The following RGS7 variants were observed in gnomAD, a reference collection of about 807,000 sequenced individuals.
The protein encoded by RGS7 is regulator of G protein signaling 7.
Under a neutral mutation model 81.1 loss-of-function variants are expected in RGS7, and 27 were observed. That is an observed-to-expected ratio of 0.33 (90% CI 0.25 to 0.46). The LOEUF (loss-of-function observed/expected upper bound fraction) is 0.46, where lower values mean the gene tolerates loss of function less well. Ranked by LOEUF, RGS7 falls within the 20% of genes least tolerant of loss-of-function variation. The pLI, the probability that RGS7 is intolerant of heterozygous loss-of-function variation, is 1.00. For missense variants in RGS7, 396 were observed against 607.4 expected (o/e 0.65, Z 3.66); for synonymous variants, 208 against 207.7 (o/e 1.00, Z -0.01).
At chr1:240,866,308 G>T (rs541036436) in intron 9 of RGS7, among the ~76,000 whole-genome samples, 1 of 151,924 alleles carries the variant, frequency 6.6e-6, no homozygotes, top group Non-Finnish European at 1.5e-5. Context: ...TCAGGAGATC[G>T]AGATCATCCT....
At chr1:241,045,410 C>A (rs1489734792) in intron 3 of RGS7, among the ~76,000 whole-genome samples, 2 of 152,170 alleles carry the variant, frequency 1.3e-5, no homozygotes, top group Non-Finnish European at 2.9e-5. Context: ...GTCGCCCAGG[C>A]TGGAGTGCAG....
At position 240,983,098 on chromosome 1, in the gene RGS7, G is replaced by A; in HGVS notation, c.207C>T (p.Asn69=). The A allele has an allele frequency of 6.5e-7, 1 of 1,544,256 alleles. No individual in the cohort carries two copies. Among genetic ancestry groups the A allele is most frequent in the Non-Finnish European group, 8.9e-7 (1 of 1,120,340 alleles). The change falls in exon 4 of 19, where the codon AAC becomes AAT. Residue 69 remains asparagine, a synonymous_variant. Coordinates refer to ENST00000440928, the MANE Select transcript of RGS7 (RefSeq NM_001364886.1). ...ATTTACCTGGATCTTCTATAGTTAAGTTCTTTATCAACCATTGAACAATGT... is the reference window on the plus strand; with the variant it reads ...ATTTACCTGGATCTTCTATAGTTAAATTCTTTATCAACCATTGAACAATGT... The part of the protein sequence containing the change: ...GSDIVQWLIK[N]LTIEDPVEAL...
chr1:241,213,686 C>T (rs1331103899), intron 2 of RGS7, among the ~76,000 whole-genome samples: 2 of 152,208 alleles, frequency 1.3e-5, no homozygotes, highest in African/African-American at 4.8e-5. Context: ...CTAAAGTTTA[C>T]TTCTACCTAG....
chr1:241,292,333 T>C (rs534311840), intron 2 of RGS7, among the ~76,000 whole-genome samples: 11 of 152,338 alleles, frequency 7.2e-5, no homozygotes, highest in Non-Finnish European at 1.5e-4. Flanking sequence ...TATGTAATTG[T>C]ATGTGCTACA....
intron 2 of RGS7, among the ~76,000 whole-genome samples, chr1:241,134,103 G>T (rs2067313746): frequency 1.3e-5 from 2 of 152,176 alleles, no homozygotes; most frequent in Non-Finnish European, 2.9e-5. Flanking sequence ...AGCCACATGT[G>T]ACTGTTTAGA....
intron 2 of RGS7, among the ~76,000 whole-genome samples, chr1:241,321,134 A>T (rs1228705922): frequency 6.6e-6 from 1 of 152,242 alleles, no homozygotes; most frequent in East Asian, 1.9e-4. Flanking sequence ...ATTATTTCCC[A>T]AATTCAGTTT....
chr1:240,966,694 A>G (rs1213262201), intron 4 of RGS7, among the ~76,000 whole-genome samples: 1 of 152,136 alleles, frequency 6.6e-6, no homozygotes, highest in Non-Finnish European at 1.5e-5. Flanking sequence ...AAATTGATTA[A>G]TCGAAACCTA....
chr1:241,274,963 C>T (rs2078115851), intron 2 of RGS7, among the ~76,000 whole-genome samples: 1 of 152,188 alleles, frequency 6.6e-6, no homozygotes, highest in African/African-American at 2.4e-5. Flanking sequence ...TTCAAATTAA[C>T]TTTGGTAGAG....
At chr1:241,105,267 T>C (rs61832555) in intron 2 of RGS7, among the ~76,000 whole-genome samples, 25,774 of 152,122 alleles carry the variant, frequency 0.17, 2,467 homozygotes, top group African/African-American at 0.25. Context: ...TTGATGAGGC[T>C]GTCTTCTTGC....
At chr1:241,307,736 C>T (rs1029050512) in intron 2 of RGS7, among the ~76,000 whole-genome samples, 2 of 152,138 alleles carry the variant, frequency 1.3e-5, no homozygotes, top group Non-Finnish European at 2.9e-5. Context: ...ATGTATCGCC[C>T]AGCACCTGCA....
intron 2 of RGS7, among the ~76,000 whole-genome samples, chr1:241,158,459 C>T (rs149251350): frequency 0.014 from 2,057 of 152,280 alleles, 16 homozygotes; most frequent in Middle Eastern, 0.027. Context: ...AGAGACCCCA[C>T]GTTATGCTCA....
intron 3 of RGS7, among the ~76,000 whole-genome samples, chr1:241,026,014 A>G (rs2059764178): frequency 6.6e-6 from 1 of 152,206 alleles, no homozygotes; most frequent in African/African-American, 2.4e-5. Context: ...AGCAATACAA[A>G]TGTATATTGG....
chr1:240,785,769 C>A (rs1684962570), intron 18 of RGS7, among the ~76,000 whole-genome samples: 1 of 152,150 alleles, frequency 6.6e-6, no homozygotes, highest in Non-Finnish European at 1.5e-5. Flanking sequence ...GGAATTCAAG[C>A]TAGGCTAGGT....
At chr1:240,965,818 C>G (rs569745335) in intron 4 of RGS7, among the ~76,000 whole-genome samples, 1 of 152,142 alleles carries the variant, frequency 6.6e-6, no homozygotes, top group Non-Finnish European at 1.5e-5. Flanking sequence ...GTTTACAGTA[C>G]CACGTCAGTG....
chr1:241,047,109 AC>A (rs2148791737), intron 3 of RGS7, among the ~76,000 whole-genome samples: 1 of 152,184 alleles, frequency 6.6e-6, no homozygotes, highest in African/African-American at 2.4e-5. Context: ...TATCTTAATT[AC>A]CTTTTGGCCA....
intron 2 of RGS7, among the ~76,000 whole-genome samples, chr1:241,276,965 G>A (rs1296825048): frequency 1.3e-5 from 2 of 152,174 alleles, no homozygotes; most frequent in Non-Finnish European, 2.9e-5. Context: ...GGTATCCTTC[G>A]TACCTCTGCC....
At chr1:241,120,189 G>C (rs1225044281) in intron 2 of RGS7, among the ~76,000 whole-genome samples, 1 of 152,148 alleles carries the variant, frequency 6.6e-6, no homozygotes, top group African/African-American at 2.4e-5. Context: ...GCCATCCTCA[G>C]GCCTCTAAGG....
At chr1:241,201,885 G>A (rs1161556059) in intron 2 of RGS7, among the ~76,000 whole-genome samples, 2 of 151,858 alleles carry the variant, frequency 1.3e-5, no homozygotes, top group East Asian at 1.9e-4. Context: ...TTTATACTTC[G>A]CAAAATAATT....
Position 241,323,283 on chromosome 1 carries a change from T to C in RGS7, c.78+32416A>G, listed in dbSNP as rs888346467. On this transcript the variant is annotated intron_variant, in intron 2 of 18. Coordinates refer to ENST00000440928, the MANE Select transcript of RGS7 (RefSeq NM_001364886.1). ...TAATATGCAATGTTTTAAATACCAA[T>C]GAATGTTGTGACAATTTTTTTCATT... Among the ~76,000 whole-genome samples, 22 of 152,330 alleles carry C rather than the reference T, an allele frequency of 1.4e-4. No homozygotes were observed. The Middle Eastern group carries it at 0.014, about 94-fold the overall frequency.
Sources: allele counts gnomAD v4.1 joint callset (sites outside exome capture counted in the v4.1 genomes callset), GRCh38; gene constraint gnomAD v4.1.1; transcripts MANE v1.5; gene names NCBI Gene and HGNC (gene_info 2026-07-23, HGNC 2026-07-21).